EFHD1: variants seen among roughly 807,000 people sequenced by gnomAD.
EFHD1 encodes the protein EF-hand domain family member D1, also known as EF-hand domain-containing protein D1.
Under a neutral mutation model 17.2 loss-of-function variants are expected in EFHD1, and 10 were observed. That is an observed-to-expected ratio of 0.58 (90% CI 0.36 to 0.99). The LOEUF is 0.99. EFHD1 is among the 50% of genes least tolerant of loss of function. EFHD1 has a pLI of 0.01. For missense variants in EFHD1, 310 were observed against 327.5 expected, an observed-to-expected ratio of 0.95 and a Z score of 0.41; for synonymous variants, 153 against 142.0, an observed-to-expected ratio of 1.08 and a Z score of -0.55.
At chr2:232,679,375 G>A (rs1397565593) in intron 3 of EFHD1, among the ~76,000 whole-genome samples, 1 of 151,860 alleles carries the variant, frequency 6.6e-6, no homozygotes, top group Non-Finnish European at 1.5e-5. Flanking sequence ...GTATTTATGA[G>A]GAAAGCAAAT....
chr2:232,667,840 G>A (rs1323895705), intron 2 of EFHD1, among the ~76,000 whole-genome samples: 1 of 152,180 alleles, frequency 6.6e-6, no homozygotes, highest in Non-Finnish European at 1.5e-5. Context: ...TTACGGGTGT[G>A]AGCCACTGTG....
intron 1 of EFHD1, among the ~76,000 whole-genome samples, chr2:232,613,893 CAA>C (rs956825810): frequency 3.4e-5 from 3 of 87,564 alleles, no homozygotes; most frequent in African/African-American, 7.2e-5. Context: ...TATACACACA[CAA>C]ACACATACAA....
At chr2:232,620,185 A>G (rs1050369440) in intron 1 of EFHD1, among the ~76,000 whole-genome samples, 44 of 150,704 alleles carry the variant, frequency 2.9e-4, no homozygotes, top group Non-Finnish European at 6.5e-4. Flanking sequence ...TCAGGAGATC[A>G]AGACCATCCT....
chr2:232,638,608 C>G lies in EFHD1; in HGVS notation c.302+4602C>G, dbSNP rs1234350985. 8.2e-6 allele frequency: 3 copies of G among 366,862 alleles called. No homozygotes were observed. The East Asian group carries it at 2.2e-4, about 27-fold the overall frequency. 22.7% of individuals were successfully genotyped at this position (366,862 alleles called of 1,614,324 possible). ...GTAGATTTGGAAGGCTGGGAATTTT[C>G]CAAAGAGGTAAAGTGAGCCCTCTTA... On this transcript the variant is annotated intron_variant, in intron 1 of 3. Transcript: ENST00000264059.
At chr2:232,627,039 T>TCTCC (rs1465304586) in intron 1 of EFHD1, among the ~76,000 whole-genome samples, 2,075 of 79,250 alleles carry the variant, frequency 0.026, 25 homozygotes, top group South Asian at 0.048. Flanking sequence ...TCTCTCTCTA[T>TCTCC]ATATATATAT....
chr2:232,647,922 C>A (rs890235904), intron 1 of EFHD1, among the ~76,000 whole-genome samples: 1 of 152,150 alleles, frequency 6.6e-6, no homozygotes, highest in African/African-American at 2.4e-5. Flanking sequence ...CAGGCATGAG[C>A]CACTGCACCC....
intron 1 of EFHD1, among the ~76,000 whole-genome samples, chr2:232,639,383 CAG>C (rs1027544252): frequency 2.0e-5 from 3 of 150,792 alleles, no homozygotes; most frequent in Non-Finnish European, 2.9e-5. Context: ...TTTCTCAAGA[CAG>C]AGTCTTGCCA....
intron 2 of EFHD1, 134 bp downstream of exon 2, chr2:232,663,083 T>C (rs951274672): frequency 9.4e-6 from 10 of 1,059,560 alleles, no homozygotes; most frequent in Non-Finnish European, 1.3e-5. Context: ...AATTCCGCTT[T>C]CAAAAATACC....
At chr2:232,636,696 C>A (rs529534682) in intron 1 of EFHD1, among the ~76,000 whole-genome samples, 1 of 152,024 alleles carries the variant, frequency 6.6e-6, no homozygotes, top group Non-Finnish European at 1.5e-5. Flanking sequence ...TGGTGCCACA[C>A]GCCTGTAATC....
At chr2:232,634,156 G>A (rs1378687910) in intron 1 of EFHD1, 150 bp downstream of exon 1, 2 of 1,420,776 alleles carry the variant, frequency 1.4e-6, no homozygotes, top group African/African-American at 3.0e-5. Flanking sequence ...TGCGTGCTCG[G>A]GTCTATCTCG....
chr2:232,660,395 C>G (rs369275500), intron 1 of EFHD1, among the ~76,000 whole-genome samples: 14 of 151,714 alleles, frequency 9.2e-5, no homozygotes, highest in African/African-American at 3.4e-4. Flanking sequence ...GGGATTTCAC[C>G]GTGTTAGCCA....
intron 2 of EFHD1, among the ~76,000 whole-genome samples, chr2:232,667,471 C>T (rs954428355): frequency 1.3e-5 from 2 of 152,146 alleles, no homozygotes; most frequent in Non-Finnish European, 2.9e-5. Flanking sequence ...CAGTTCCAGT[C>T]CTCCTCCAGG....
At chr2:232,630,546 G>A (rs1209673388), upstream of EFHD1, among the ~76,000 whole-genome samples, 2 of 152,168 alleles carry the variant, frequency 1.3e-5, no homozygotes, top group African/African-American at 4.8e-5. Context: ...AGAGGCACCA[G>A]GTGACTGCTC....
At chr2:232,653,151 G>T (rs145910373) in intron 1 of EFHD1, among the ~76,000 whole-genome samples, 1 of 151,902 alleles carries the variant, frequency 6.6e-6, no homozygotes, top group African/African-American at 2.4e-5. Context: ...CCACCACCAC[G>T]CCCGGCTAAT....
At chr2:232,657,736 C>T (rs952398824) in intron 1 of EFHD1, among the ~76,000 whole-genome samples, 3 of 149,878 alleles carry the variant, frequency 2.0e-5, no homozygotes, top group East Asian at 2.0e-4. Context: ...CACTTGAACC[C>T]GGGAGGTGGA....
chr2:232,627,247 A>G (rs1183598115), intron 1 of EFHD1, among the ~76,000 whole-genome samples: 4 of 137,878 alleles, frequency 2.9e-5, no homozygotes, highest in Admixed American at 2.5e-4. Flanking sequence ...ACACAAACAG[A>G]AAAAAAAAAA....
intron 1 of EFHD1, among the ~76,000 whole-genome samples, chr2:232,607,259 T>C (rs1472287393): frequency 2.0e-5 from 3 of 150,072 alleles, no homozygotes; most frequent in Non-Finnish European, 4.5e-5. Context: ...CTGGGCAACA[T>C]AGTGAGATCC....
rs138142196 is a variant in EFHD1 at position 232,626,222 on chromosome 2, T to C, written c.14+20049T>C. On this transcript the variant is annotated intron_variant, in intron 1 of 3. Coordinates refer to the EFHD1 transcript ENST00000409613. ...AAAGAAAAAAATATATATATATCCT[T>C]GATGAAGCAGGAAAATAGTTTTTAA... Among the ~76,000 whole-genome samples, 1,295 of 151,666 alleles carry C rather than the reference T, an allele frequency of 8.5e-3. 8 individuals are homozygous for C. Among genetic ancestry groups the C allele is most frequent in the Non-Finnish European group, 0.014 (933 of 67,950 alleles).
At chr2:232,633,351 C>A, upstream of EFHD1, 1 of 594,548 alleles carries the variant, frequency 1.7e-6, no homozygotes, top group Non-Finnish European at 2.2e-6. Flanking sequence ...ACAGGGGCAG[C>A]AAGGTCGGAG....
Sources: gnomAD v4.1 joint callset for allele counts (sites outside exome capture counted in the v4.1 genomes callset) on GRCh38, gnomAD v4.1.1 for gene constraint, MANE v1.5 for transcripts, NCBI Gene and HGNC (gene_info 2026-07-23, HGNC 2026-07-21) for gene names.